Variants in BYSL observed in about 807,000 individuals in gnomAD.
BYSL encodes bystin.
A neutral mutation model predicts 45.4 loss-of-function variants in BYSL; 21 were observed. The observed-to-expected ratio is 0.46, with a 90% CI of 0.33 to 0.67. The LOEUF is 0.67. Among genes scored for constraint, BYSL ranks in the 30% least tolerant of loss-of-function variants. BYSL has a pLI of 0.02. For synonymous variants in BYSL, 215 were observed against 231.3 expected, an observed-to-expected ratio of 0.93 and a Z score of 0.64; for missense variants, 522 against 578.5, an observed-to-expected ratio of 0.90 and a Z score of 1.00.
chr6:41,930,403 G>A lies in BYSL; in HGVS notation c.570+133G>A. ...GAGTAGAAAACAGACCTAAGAGGCA[G>A]AGTGTGTGGGTTCAGATTCCTGCTC... On this transcript the variant is annotated intron_variant, in intron 3 of 6. Coordinates refer to ENST00000230340, the MANE Select transcript of BYSL (RefSeq NM_004053.4). 17 of 1,325,782 alleles carry A rather than the reference G, an allele frequency of 1.3e-5. No individual in the cohort carries two copies. The South Asian group carries it at 2.6e-4, about 20-fold the overall frequency. The allele number at this position is 1,325,782 out of a possible 1,614,324, so 82.1% of individuals were successfully genotyped here. A position where few individuals can be genotyped will look rare whatever the true frequency, so the allele number is the denominator to read the frequency against.
chr6:41,909,069 G>C, the BYSL span: 1 of 667,604 alleles, frequency 1.5e-6, no homozygotes, highest in East Asian at 2.7e-5. Context: ...AGGTACTTGG[G>C]AGACTGAGGC....
chr6:41,924,532 G>A (rs76284272), intron 1 of BYSL, among the ~76,000 whole-genome samples: 124 of 152,300 alleles, frequency 8.1e-4, no homozygotes, highest in African/African-American at 2.8e-3. Context: ...TCGGTTGTTC[G>A]TGGATATATT....
chr6:41,914,674 A>C, the BYSL span, among the ~76,000 whole-genome samples: 6 of 151,924 alleles, frequency 3.9e-5, no homozygotes, highest in African/African-American at 1.5e-4. Flanking sequence ...AGCTGTGATC[A>C]TGCTACTGTA....
chr6:41,919,475 C>G (rs1775404002), upstream of BYSL, among the ~76,000 whole-genome samples: 1 of 152,054 alleles, frequency 6.6e-6, no homozygotes. Flanking sequence ...ACTACTCTAT[C>G]AGAAAAAAAC....
upstream of BYSL, chr6:41,917,555 C>T (rs999418010): frequency 9.1e-6 from 3 of 331,350 alleles, no homozygotes; most frequent in African/African-American, 6.5e-5. Context: ...GAATAGAGGA[C>T]CACAGTCCCT....
chr6:41,912,264 C>CT, the BYSL span, among the ~76,000 whole-genome samples: 1 of 135,510 alleles, frequency 7.4e-6, no homozygotes, highest in Non-Finnish European at 1.5e-5. Context: ...TGGTCTCAAA[C>CT]TCCTAGGCTC....
the BYSL span, among the ~76,000 whole-genome samples, chr6:41,911,209 G>T: frequency 2.0e-5 from 3 of 149,744 alleles, no homozygotes; most frequent in Non-Finnish European, 4.4e-5. Flanking sequence ...GTAGTGCAAT[G>T]GTGCAATCTT....
At chr6:41,921,229 G>C, upstream of BYSL, 1 of 669,012 alleles carries the variant, frequency 1.5e-6, no homozygotes, top group Non-Finnish European at 2.5e-6. Context: ...CATCATCTGC[G>C]GATTCCCGCC....
chr6:41,925,386 CGG>C (rs1453340770), intron 1 of BYSL, among the ~76,000 whole-genome samples: 2 of 148,186 alleles, frequency 1.3e-5, no homozygotes, highest in African/African-American at 5.0e-5. Context: ...TTTTTTAAGA[CGG>C]AGTCTCGCTC....
intron 1 of BYSL, 65 bp from the exon 2 acceptor site, chr6:41,927,296 ATAATGGCTAAAGT>A: frequency 6.4e-7 from 1 of 1,551,168 alleles, no homozygotes; most frequent in Non-Finnish European, 8.8e-7. Flanking sequence ...CCTGTACTAC[ATAATGGCTAAAGT>A]TAAACTGACG....
upstream of BYSL, among the ~76,000 whole-genome samples, chr6:41,918,226 G>A (rs1052987046): frequency 7.2e-5 from 11 of 151,992 alleles, no homozygotes; most frequent in South Asian, 2.1e-4. Context: ...GGAAACTGCC[G>A]GGCATGGTGG....
intron 4 of BYSL, among the ~76,000 whole-genome samples, chr6:41,930,970 C>T (rs193139620): frequency 3.9e-5 from 6 of 152,332 alleles, no homozygotes; most frequent in Admixed American, 2.6e-4. Flanking sequence ...AGGAACCCTC[C>T]GTGATGAATT....
At chr6:41,921,108 A>C, upstream of BYSL, 10 of 1,526,936 alleles carry the variant, frequency 6.5e-6, no homozygotes, top group South Asian at 2.3e-5. Context: ...CCCCAACACA[A>C]CCTTCTGTCT....
At chr6:41,909,009 C>T in the BYSL span, 1 of 512,164 alleles carries the variant, frequency 2.0e-6, no homozygotes, top group Admixed American at 3.5e-5. Context: ...ATAGTAAGAC[C>T]TCATTTCTAC....
chr6:41,923,375 C>T (rs1775519144), intron 1 of BYSL, among the ~76,000 whole-genome samples: 3 of 151,574 alleles, frequency 2.0e-5, no homozygotes, highest in South Asian at 2.1e-4. Flanking sequence ...TGGCTCACTG[C>T]AACCTCTGCC....
upstream of BYSL, chr6:41,920,788 C>CA (rs927334036): frequency 0.024 from 10,502 of 432,332 alleles, 3 homozygotes; most frequent in South Asian, 0.036. Flanking sequence ...CAAAACAAAA[C>CA]AAAAAAAAAA....
At chr6:41,921,115 G>A (rs1478512116), upstream of BYSL, 5 of 1,498,674 alleles carry the variant, frequency 3.3e-6, no homozygotes, top group African/African-American at 7.0e-5. Context: ...ACAACCTTCT[G>A]TCTCAGAAGG....
chr6:41,930,509 C>A (rs1775621683), intron 3 of BYSL, 126 bp from the exon 4 acceptor site: 2 of 1,334,950 alleles, frequency 1.5e-6, no homozygotes, highest in Non-Finnish European at 2.0e-6. Flanking sequence ...AATAATGGCA[C>A]CTCCTTATAG....
chr6:41,909,539 T>G, the BYSL span: 12 of 1,609,818 alleles, frequency 7.5e-6, no homozygotes, highest in Non-Finnish European at 1.0e-5. Flanking sequence ...GGGACAGAGA[T>G]CCTATTCATC....
Sources: gnomAD v4.1 joint callset for allele counts (sites outside exome capture counted in the v4.1 genomes callset) on GRCh38, gnomAD v4.1.1 for gene constraint, MANE v1.5 for transcripts, NCBI Gene and HGNC (gene_info 2026-07-23, HGNC 2026-07-21) for gene names.